The following XPNPEP1 variants were observed in gnomAD, a reference collection of about 807,000 sequenced individuals.
The protein encoded by XPNPEP1 is X-prolyl aminopeptidase 1.
A neutral mutation model predicts 92.4 loss-of-function variants in XPNPEP1; 39 were observed. The ratio of observed to expected loss-of-function variants is 0.42; its 90% confidence interval spans 0.33 to 0.55. XPNPEP1 has a LOEUF of 0.55. Ranked by LOEUF, XPNPEP1 falls within the 20% of genes least tolerant of loss-of-function variation. The pLI is 0.08. For missense variants in XPNPEP1, 654 were observed against 856.1 expected (o/e 0.76, Z 2.95); for synonymous variants, 307 against 299.4 (o/e 1.03, Z -0.26).
At chr10:109,874,989 G>T (rs1040464113) in intron 15 of XPNPEP1, among the ~76,000 whole-genome samples, 1 of 152,132 alleles carries the variant, frequency 6.6e-6, no homozygotes, top group African/African-American at 2.4e-5. Flanking sequence ...TGCAGACAGG[G>T]TCTATTCTTA....
At chr10:109,880,725 G>T in intron 11 of XPNPEP1, 117 bp downstream of exon 11, 2 of 937,598 alleles carry the variant, frequency 2.1e-6, no homozygotes, top group Non-Finnish European at 3.2e-6. Context: ...AAGGCCAGGA[G>T]GCTGAGGCTC....
chr10:109,915,004 T>A lies in XPNPEP1; in HGVS notation c.121+7A>T. The A allele has an allele frequency of 1.3e-6, 2 of 1,508,410 alleles. No individual in the cohort carries two copies. The highest frequency in any genetic ancestry group is 8.9e-7 in the Non-Finnish European group (1 of 1,128,750). 93.4% of individuals were successfully genotyped at this position (1,508,410 alleles called of 1,614,324 possible). ...TGTTCCATCTAATTTCCAGACAAAA[T>A]TATTACCTGTTTCCACACCTGTGTC... is the stretch of plus-strand genomic sequence containing the variant. On this transcript the variant is annotated splice_region_variant and intron_variant, in intron 2 of 20. Coordinates refer to ENST00000502935, the MANE Select transcript of XPNPEP1 (RefSeq NM_020383.4).
intron 3 of XPNPEP1, among the ~76,000 whole-genome samples, chr10:109,897,505 T>A (rs978677778): frequency 6.6e-6 from 1 of 152,200 alleles, no homozygotes; most frequent in African/African-American, 2.4e-5. Flanking sequence ...ATAACTGTAT[T>A]CATTTCCTCT....
intron 3 of XPNPEP1, among the ~76,000 whole-genome samples, chr10:109,895,564 A>AC (rs1848943629): frequency 6.6e-6 from 1 of 152,304 alleles, no homozygotes; most frequent in Admixed American, 6.5e-5. Context: ...CCACAGCCTC[A>AC]CCTCCACACT....
intron 10 of XPNPEP1, among the ~76,000 whole-genome samples, chr10:109,881,652 G>A (rs780073185): frequency 6.6e-6 from 1 of 152,146 alleles, no homozygotes; most frequent in Non-Finnish European, 1.5e-5. Flanking sequence ...TTCTTCCCAG[G>A]ATGCCCCACT....
chr10:109,877,309 T>A (rs1425516008), intron 14 of XPNPEP1: 1 of 154,838 alleles, frequency 6.5e-6, no homozygotes, highest in Non-Finnish European at 1.4e-5. Context: ...TACAAAAAAA[T>A]CTAAAAATTA....
At chr10:109,888,667 A>G in intron 5 of XPNPEP1, 72 bp from the exon 6 acceptor site, 2 of 1,217,970 alleles carry the variant, frequency 1.6e-6, no homozygotes, top group East Asian at 2.6e-5. Context: ...GAAAGATACA[A>G]TTCTCTAACA....
intron 4 of XPNPEP1, 127 bp from the exon 5 acceptor site, chr10:109,891,953 T>C: frequency 1.3e-6 from 1 of 779,392 alleles, no homozygotes; most frequent in Non-Finnish European, 2.0e-6. Context: ...AGATGGGTCC[T>C]TGACTCCAAA....
At position 109,865,314 on chromosome 10, in the gene XPNPEP1, T is replaced by C. The variant is rs1216112193; in HGVS notation, c.1873-2A>G. Reference sequence around the variant, plus strand: ...GTGGTAATTGTTGAGCCAGTCGCACTGCAGGGAAGAGAAGGACAGACACGG... The same window carrying C: ...GTGGTAATTGTTGAGCCAGTCGCACCGCAGGGAAGAGAAGGACAGACACGG... On this transcript the variant is annotated splice_acceptor_variant, in intron 20 of 20. Transcript: ENST00000502935. LOFTEE classifies it high-confidence loss of function. 6 of 1,614,036 alleles carry C rather than the reference T, an allele frequency of 3.7e-6. No homozygotes were observed. The highest frequency in any genetic ancestry group is 5.1e-6 in the Non-Finnish European group (6 of 1,180,036).
At chr10:109,870,693 A>G (rs1471927271) in intron 18 of XPNPEP1, 38 bp downstream of exon 18, 10 of 1,576,070 alleles carry the variant, frequency 6.3e-6, no homozygotes, top group Non-Finnish European at 6.9e-6. Flanking sequence ...AAAAAGGCTC[A>G]AGGATCCACG....
chr10:109,910,543 T>C (rs1185125972), intron 2 of XPNPEP1, among the ~76,000 whole-genome samples: 2 of 142,830 alleles, frequency 1.4e-5, no homozygotes, highest in Non-Finnish European at 3.0e-5. Context: ...AAACTCTGTC[T>C]CAAAAAAAAA....
chr10:109,871,952 A>C, intron 16 of XPNPEP1, 91 bp from the exon 17 acceptor site: 2 of 1,308,538 alleles, frequency 1.5e-6, no homozygotes, highest in Non-Finnish European at 2.1e-6. Context: ...TGCCTGCTAA[A>C]GTTTTTAGCA....
At chr10:109,897,781 G>A (rs1046896607) in intron 3 of XPNPEP1, among the ~76,000 whole-genome samples, 9 of 151,902 alleles carry the variant, frequency 5.9e-5, no homozygotes, top group Admixed American at 3.9e-4. Context: ...AGTCTCCCAA[G>A]TAGCTGGGAT....
At chr10:109,907,896 A>G in intron 2 of XPNPEP1, 81 bp from the exon 3 acceptor site, 1 of 1,577,402 alleles carries the variant, frequency 6.3e-7, no homozygotes, top group Non-Finnish European at 8.6e-7. Context: ...CCACAGAGAG[A>G]AGTGCCTTCT....
intron 3 of XPNPEP1, among the ~76,000 whole-genome samples, chr10:109,905,213 C>CT (rs542087778): frequency 1.3e-4 from 19 of 149,662 alleles, no homozygotes; most frequent in Non-Finnish European, 1.9e-4. Flanking sequence ...AGCAGGCAAA[C>CT]TTTTTTTTTT....
At chr10:109,904,458 TAG>T (rs1849447997) in intron 3 of XPNPEP1, among the ~76,000 whole-genome samples, 7 of 151,882 alleles carry the variant, frequency 4.6e-5, no homozygotes, top group Admixed American at 3.9e-4. Context: ...CATGAAACAC[TAG>T]AGTCTCCCAC....
chr10:109,865,372 A>G, intron 20 of XPNPEP1, 60 bp from the exon 21 acceptor site: 1 of 1,606,198 alleles, frequency 6.2e-7, no homozygotes, highest in South Asian at 1.1e-5. Flanking sequence ...AACTGGCTAC[A>G]CAGGTCAACA....
At chr10:109,887,046 T>C (rs1848430748) in intron 7 of XPNPEP1, among the ~76,000 whole-genome samples, 1 of 152,134 alleles carries the variant, frequency 6.6e-6, no homozygotes, top group African/African-American at 2.4e-5. Context: ...GCAGCATTCA[T>C]AACTCAGGGA....
intron 1 of XPNPEP1, among the ~76,000 whole-genome samples, chr10:109,918,823 GAAA>G (rs1564798724): frequency 9.3e-4 from 126 of 135,746 alleles, no homozygotes; most frequent in Non-Finnish European, 1.5e-3. Flanking sequence ...AGAAAGGAAA[GAAA>G]GGAAAGGAGG....
Sources: allele counts gnomAD v4.1 joint callset (sites outside exome capture counted in the v4.1 genomes callset), GRCh38; gene constraint gnomAD v4.1.1; transcripts MANE v1.5; gene names NCBI Gene and HGNC (gene_info 2026-07-23, HGNC 2026-07-21).